SCARA3: variants seen among roughly 807,000 people sequenced by gnomAD.
SCARA3 encodes the protein scavenger receptor class A member 3, also known as cellular stress response gene protein.
In SCARA3, 39 loss-of-function variants were observed where a neutral mutation model predicts 47.0. The ratio of observed to expected loss-of-function variants is 0.83; its 90% CI spans 0.64 to 1.08. The LOEUF is 1.08. Ranked by LOEUF, SCARA3 falls within the 50% of genes least tolerant of loss-of-function variation. The pLI, the probability that SCARA3 is intolerant of heterozygous loss-of-function variation, is 0.00. For missense variants in SCARA3, 724 were observed against 792.3 expected (o/e 0.91, Z 1.04); for synonymous variants, 356 against 334.1 (o/e 1.07, Z -0.71).
the SCARA3 span, chr8:27,733,421 CA>C: frequency 6.6e-6 from 1 of 152,212 alleles, no homozygotes; most frequent in Non-Finnish European, 1.5e-5. Context: ...ACAGAATGTG[CA>C]TAAAAGTCTC....
intron 3 of SCARA3, among the ~76,000 whole-genome samples, chr8:27,653,570 C>CGTGTGTGTGTGTGT (rs61545866): frequency 0.047 from 6,780 of 145,080 alleles, 217 homozygotes; most frequent in South Asian, 0.1. Context: ...ATTTGTAAAG[C>CGTGTGTGTGTGTGT]GTGTGTGTGT....
chr8:27,694,803 A>C, the SCARA3 span, among the ~76,000 whole-genome samples: 1 of 152,178 alleles, frequency 6.6e-6, no homozygotes, highest in Non-Finnish European at 1.5e-5. Flanking sequence ...ATTTGTGCCT[A>C]TAGGTGGCCT....
At chr8:27,653,883 A>C (rs538398500) in intron 3 of SCARA3, among the ~76,000 whole-genome samples, 1 of 152,210 alleles carries the variant, frequency 6.6e-6, no homozygotes, top group African/African-American at 2.4e-5. Flanking sequence ...CATAGTAAAT[A>C]TTTTAGGCTT....
At chr8:27,701,539 A>C in the SCARA3 span, 1 of 151,848 alleles carries the variant, frequency 6.6e-6, no homozygotes, top group Non-Finnish European at 1.5e-5. Context: ...TCATTCAAAA[A>C]GTAGCTTTTT....
chr8:27,699,859 CAT>C, the SCARA3 span, among the ~76,000 whole-genome samples: 2 of 152,108 alleles, frequency 1.3e-5, no homozygotes, highest in Admixed American at 1.3e-4. Flanking sequence ...TAAGGACAGA[CAT>C]ATAGATCAAT....
the SCARA3 span, among the ~76,000 whole-genome samples, chr8:27,719,519 T>C: frequency 2.7e-5 from 4 of 147,916 alleles, no homozygotes; most frequent in Admixed American, 6.7e-5. Flanking sequence ...CTTGTACTCC[T>C]GAATTCAAAA....
In SCARA3 at chr8:27,671,415, C is replaced by A. The variant is rs1402007092; in HGVS notation, c.*64C>A. ...GAGGGGCGCAGAGCAGATCCAGGCC[C>A]CAGAAAGCCTCACCTACAGACAGCT... On this transcript the variant is annotated 3_prime_UTR_variant, in exon 6 of 6. Coordinates refer to ENST00000301904, the MANE Select transcript of SCARA3 (RefSeq NM_016240.3). The A allele has an allele frequency of 2.2e-6, 3 of 1,342,758 alleles. No individual in the cohort carries two copies. The African/African-American group carries it at 4.6e-5, about 21-fold the overall frequency. 83.2% of individuals were successfully genotyped at this position (1,342,758 alleles called of 1,614,324 possible).
intron 1 of SCARA3, among the ~76,000 whole-genome samples, chr8:27,635,964 TC>T (rs1398273897): frequency 1.3e-5 from 2 of 152,198 alleles, no homozygotes; most frequent in African/African-American, 4.8e-5. Flanking sequence ...CTTCCTTCCC[TC>T]TGCCTCTGGC....
At chr8:27,661,539 A>C (rs1446793938) in intron 5 of SCARA3, among the ~76,000 whole-genome samples, 1 of 152,224 alleles carries the variant, frequency 6.6e-6, no homozygotes, top group East Asian at 1.9e-4. Context: ...ACACACACAG[A>C]TATATTCATT....
chr8:27,723,839 G>A, the SCARA3 span, among the ~76,000 whole-genome samples: 17,762 of 152,164 alleles, frequency 0.12, 1,125 homozygotes, highest in African/African-American at 0.17. Flanking sequence ...AGGTTCAAAC[G>A]AGTCTCCGAC....
At position 27,671,463 on chromosome 8, in the gene SCARA3, GGGGCTCCCCAGGGCTGACCCTGCAGCTTT is replaced by G; in HGVS notation, c.*122_*150del. On this transcript the variant is annotated 3_prime_UTR_variant, in exon 6 of 6. Transcript: ENST00000301904. ...GCTGTGGTCCTCTGATTCCAATGAG[GGGGCTCCCCAGGGCTGACCCTGCAGCTTT>G]GGGCTCCCCCATAGTGACTGTGCCA... is the stretch of plus-strand genomic sequence containing the variant. 7.6e-7 allele frequency: 1 copy of G among 1,320,296 alleles called. No homozygotes were observed. Among genetic ancestry groups the G allele is most frequent in the Non-Finnish European group, 9.6e-7 (1 of 1,040,692 alleles). The allele number at this position is 1,320,296 out of a possible 1,614,324, so 81.8% of individuals were successfully genotyped here. A position where few individuals can be genotyped will look rare whatever the true frequency, so the allele number is the denominator to read the frequency against.
chr8:27,733,046 C>T, the SCARA3 span, among the ~76,000 whole-genome samples: 44 of 152,194 alleles, frequency 2.9e-4, no homozygotes, highest in Non-Finnish European at 5.6e-4. Context: ...AGCAGAGGGT[C>T]AAGCTGTAAA....
the SCARA3 span, chr8:27,703,422 T>A: frequency 2.0e-5 from 3 of 152,530 alleles, no homozygotes; most frequent in South Asian, 4.1e-4. Flanking sequence ...AGGGTGAGGC[T>A]GGAGGGGACA....
At chr8:27,637,212 G>A (rs576700780) in intron 1 of SCARA3, among the ~76,000 whole-genome samples, 2 of 152,324 alleles carry the variant, frequency 1.3e-5, no homozygotes, top group South Asian at 4.1e-4. Context: ...CCTGCCCCAC[G>A]GCCAGCTGAC....
chr8:27,687,253 T>G, the SCARA3 span, among the ~76,000 whole-genome samples: 2 of 152,206 alleles, frequency 1.3e-5, no homozygotes, highest in Non-Finnish European at 2.9e-5. Flanking sequence ...GGAGTTGTTG[T>G]GGCCATTTGT....
At chr8:27,705,331 G>C in the SCARA3 span, among the ~76,000 whole-genome samples, 1 of 152,236 alleles carries the variant, frequency 6.6e-6, no homozygotes, top group Non-Finnish European at 1.5e-5. Context: ...GACCTTGGCA[G>C]ACCCAAGTGG....
At chr8:27,634,363 A>T (rs1801201371) in intron 1 of SCARA3, among the ~76,000 whole-genome samples, 156 bp downstream of exon 1, 1 of 152,078 alleles carries the variant, frequency 6.6e-6, no homozygotes, top group South Asian at 2.1e-4. Context: ...GCGAGACAGG[A>T]CGGATCCCTG....
chr8:27,687,478 CAG>C, the SCARA3 span, among the ~76,000 whole-genome samples: 8 of 151,930 alleles, frequency 5.3e-5, no homozygotes, highest in East Asian at 1.5e-3. Context: ...AGGAGAGAGA[CAG>C]AGAGAATGAG....
At chr8:27,698,928 A>G in the SCARA3 span, among the ~76,000 whole-genome samples, 6 of 152,122 alleles carry the variant, frequency 3.9e-5, no homozygotes, top group South Asian at 1.2e-3. Flanking sequence ...TCTCATGTTC[A>G]TGTATAAGAA....
Sources: allele counts gnomAD v4.1 joint callset (sites outside exome capture counted in the v4.1 genomes callset), GRCh38; gene constraint gnomAD v4.1.1; transcripts MANE v1.5; gene names NCBI Gene and HGNC (gene_info 2026-07-23, HGNC 2026-07-21).